Variants in LARGE1 observed in about 807,000 individuals in gnomAD.
The protein encoded by LARGE1 is xylosyl- and glucuronyltransferase LARGE1.
A neutral mutation model predicts 87.6 loss-of-function variants in LARGE1; 43 were observed. The observed-to-expected ratio is 0.49, with a 90% confidence interval of 0.38 to 0.63. The LOEUF (loss-of-function observed/expected upper bound fraction) is 0.63, where lower values mean the gene tolerates loss of function less well. LARGE1 is among the 30% of genes least tolerant of loss of function. The pLI is 0.00. For missense variants in LARGE1, 802 were observed against 1,000.2 expected (o/e 0.80, Z 2.67); for synonymous variants, 434 against 394.6 (o/e 1.10, Z -1.18).
At chr22:33,259,712 A>G (rs1431986978) in intron 11 of LARGE1, among the ~76,000 whole-genome samples, 2 of 152,196 alleles carry the variant, frequency 1.3e-5, no homozygotes, top group Non-Finnish European at 2.9e-5. Context: ...CCAAATGATG[A>G]CAATTCAATG....
At chr22:33,875,967 C>T (rs907050184) in intron 1 of LARGE1, among the ~76,000 whole-genome samples, 3 of 152,166 alleles carry the variant, frequency 2.0e-5, no homozygotes, top group Non-Finnish European at 2.9e-5. Flanking sequence ...TTTCCAGCAG[C>T]CACTCCCAGA....
chr22:33,744,207 T>C (rs568896011), intron 2 of LARGE1: 1 of 152,368 alleles, frequency 6.6e-6, no homozygotes, highest in South Asian at 2.1e-4. Context: ...GAGAACTTAA[T>C]ATGTGTCAGT....
At chr22:33,542,622 T>A (rs546192175) in intron 6 of LARGE1, among the ~76,000 whole-genome samples, 1 of 150,652 alleles carries the variant, frequency 6.6e-6, no homozygotes, top group African/African-American at 2.4e-5. Flanking sequence ...CCAGCAGGAC[T>A]TACTGGAAGA....
At chr22:33,413,450 CTTT>C (rs531248906) in intron 7 of LARGE1, among the ~76,000 whole-genome samples, 37 of 151,882 alleles carry the variant, frequency 2.4e-4, no homozygotes, top group African/African-American at 8.4e-4. Context: ...TTACTGGGGG[CTTT>C]TTATTTTATT....
At chr22:33,523,707 T>C (rs963256080) in intron 6 of LARGE1, among the ~76,000 whole-genome samples, 1 of 152,156 alleles carries the variant, frequency 6.6e-6, no homozygotes, top group Non-Finnish European at 1.5e-5. Flanking sequence ...TGTGTTACTA[T>C]TTCCTGTCCT....
chr22:33,330,528 A>T (rs1158252956), intron 10 of LARGE1, among the ~76,000 whole-genome samples: 2 of 152,278 alleles, frequency 1.3e-5, no homozygotes, highest in South Asian at 4.1e-4. Flanking sequence ...GTTGAGGAAA[A>T]GGGAGAGAAA....
intron 1 of LARGE1, among the ~76,000 whole-genome samples, chr22:33,844,377 G>C (rs144812179): frequency 0.012 from 1,891 of 152,290 alleles, 35 homozygotes; most frequent in African/African-American, 0.043. Flanking sequence ...AGGGAGTTTA[G>C]TAAAGAGCAA....
intron 6 of LARGE1, among the ~76,000 whole-genome samples, chr22:33,445,579 A>T (rs541479473): frequency 6.6e-6 from 1 of 152,092 alleles, no homozygotes; most frequent in South Asian, 2.1e-4. Flanking sequence ...GATCACTGAG[A>T]CAGAGCTCTT....
intron 11 of LARGE1, among the ~76,000 whole-genome samples, chr22:33,212,056 G>A (rs1323034566): frequency 6.6e-6 from 1 of 152,172 alleles, no homozygotes; most frequent in Non-Finnish European, 1.5e-5. Context: ...AAAGTGCAAG[G>A]TGAAGCAGCA....
At chr22:33,763,152 G>C (rs758950373) in intron 1 of LARGE1, among the ~76,000 whole-genome samples, 8 of 152,126 alleles carry the variant, frequency 5.3e-5, no homozygotes, top group Non-Finnish European at 1.0e-4. Flanking sequence ...TTAGCATATT[G>C]CCTGTCAGCT....
chr22:33,237,754 G>A (rs539769704), intron 11 of LARGE1, among the ~76,000 whole-genome samples: 1 of 152,288 alleles, frequency 6.6e-6, no homozygotes, highest in Admixed American at 6.5e-5. Flanking sequence ...CCTTGAAGTA[G>A]TCTTTTGTTG....
intron 1 of LARGE1, among the ~76,000 whole-genome samples, chr22:33,800,382 C>T (rs1234953601): frequency 6.6e-6 from 1 of 152,204 alleles, no homozygotes; most frequent in African/African-American, 2.4e-5. Flanking sequence ...AATTAGACCA[C>T]AGACCTTATT....
At chr22:33,230,457 A>G (rs914351604) in intron 11 of LARGE1, among the ~76,000 whole-genome samples, 1 of 152,212 alleles carries the variant, frequency 6.6e-6, no homozygotes, top group Non-Finnish European at 1.5e-5. Context: ...AGAGCAGGAG[A>G]TTAGAAGGAC....
At chr22:33,886,722 G>A (rs1052851755) in intron 1 of LARGE1, among the ~76,000 whole-genome samples, 2 of 146,144 alleles carry the variant, frequency 1.4e-5, no homozygotes, top group Non-Finnish European at 3.0e-5. Context: ...AGGGAAAAGA[G>A]AAGAAAAGAG....
rs2068240609 is a variant in LARGE1 at position 33,458,619 on chromosome 22, G to A, written c.788-26354C>T. Among the ~76,000 whole-genome samples, 3 of 151,110 alleles carry A rather than the reference G, an allele frequency of 2.0e-5. No individual in the cohort carries two copies. In the South Asian group the frequency reaches 6.3e-4, roughly 32 times the overall value. ...GTTTTCGTATTTTTAGTAGAGATGGGGTTTCTCCATGTTGGTCAGGCTGGT... is the reference window on the plus strand; with the variant it reads ...GTTTTCGTATTTTTAGTAGAGATGGAGTTTCTCCATGTTGGTCAGGCTGGT... On this transcript the variant is annotated intron_variant, in intron 6 of 14. Coordinates refer to ENST00000397394, the MANE Select transcript of LARGE1 (RefSeq NM_133642.5).
intron 1 of LARGE1, among the ~76,000 whole-genome samples, chr22:33,789,448 C>T (rs1198287682): frequency 6.6e-6 from 1 of 152,230 alleles, no homozygotes; most frequent in African/African-American, 2.4e-5. Context: ...GGATCCCCCA[C>T]ACAGAGTGCC....
At chr22:33,415,836 C>T (rs1231369940) in intron 7 of LARGE1, among the ~76,000 whole-genome samples, 1 of 152,094 alleles carries the variant, frequency 6.6e-6, no homozygotes, top group Admixed American at 6.5e-5. Context: ...TGGGTGAGGG[C>T]GGTTTCTCCT....
the LARGE1 span, among the ~76,000 whole-genome samples, chr22:33,126,716 T>C: frequency 6.6e-6 from 1 of 152,266 alleles, no homozygotes; most frequent in Non-Finnish European, 1.5e-5. Context: ...AGACATAATG[T>C]GTGGTAAAGC....
chr22:33,428,549 G>A (rs1390885975), intron 7 of LARGE1, among the ~76,000 whole-genome samples: 4 of 150,468 alleles, frequency 2.7e-5, no homozygotes, highest in East Asian at 2.0e-4. Context: ...TCCTGACCTC[G>A]TGATCCACCC....
Sources: gnomAD v4.1 joint callset for allele counts (sites outside exome capture counted in the v4.1 genomes callset) on GRCh38, gnomAD v4.1.1 for gene constraint, MANE v1.5 for transcripts, NCBI Gene and HGNC (gene_info 2026-07-23, HGNC 2026-07-21) for gene names.